The following ATP13A4 variants were observed in gnomAD, a reference collection of about 807,000 sequenced individuals.
The protein encoded by ATP13A4 is ATPase 13A4.
In ATP13A4, 114 loss-of-function variants were observed where a neutral mutation model predicts 142.5. The ratio of observed to expected loss-of-function variants is 0.80; its 90% CI spans 0.69 to 0.93. The LOEUF (loss-of-function observed/expected upper bound fraction) is 0.93, where lower values mean the gene tolerates loss of function less well. Among genes scored for constraint, ATP13A4 ranks in the 40% least tolerant of loss-of-function variants. The pLI, the probability that ATP13A4 is intolerant of heterozygous loss-of-function variation, is 0.00. For synonymous variants in ATP13A4, 488 were observed against 514.8 expected, an observed-to-expected ratio of 0.95 and a Z score of 0.70; for missense variants, 1,392 against 1,454.0, an observed-to-expected ratio of 0.96 and a Z score of 0.69.
intron 5 of ATP13A4, 23 bp from the exon 6 acceptor site, chr3:193,491,421 A>C: frequency 6.7e-7 from 1 of 1,486,848 alleles, no homozygotes; most frequent in Non-Finnish European, 9.4e-7. Flanking sequence ...ATCACAGATC[A>C]CTCTGTCACA....
rs538860277 is a variant in ATP13A4 at position 193,408,221 on chromosome 3, T to A, written c.3298-828A>T. ...TCCATAGAGGACAGTGTTCTCAAAG[T>A]TAAAAATTCAAATCCACTTCTAGGA... On this transcript the variant is annotated intron_variant, in intron 28 of 29. Coordinates refer to ENST00000342695, the MANE Select transcript of ATP13A4 (RefSeq NM_032279.4). 3.3e-5 allele frequency among the ~76,000 whole-genome samples: 5 copies of A among 152,370 alleles called. No individual in the cohort carries two copies. The South Asian group carries it at 1.0e-3, about 32-fold the overall frequency.
At chr3:193,407,453 C>A in intron 28 of ATP13A4, 60 bp from the exon 29 acceptor site, 1 of 1,270,596 alleles carries the variant, frequency 7.9e-7, no homozygotes, top group South Asian at 1.2e-5. Context: ...GAAACATGCT[C>A]ACATGTTCAC....
intron 1 of ATP13A4, among the ~76,000 whole-genome samples, chr3:193,540,681 A>G (rs944505405): frequency 6.6e-6 from 1 of 151,980 alleles, no homozygotes; most frequent in African/African-American, 2.4e-5. Flanking sequence ...ATACTATTAT[A>G]TAGCCATTAA....
chr3:193,551,811 G>A (rs1159681366), intron 1 of ATP13A4, among the ~76,000 whole-genome samples: 2 of 152,178 alleles, frequency 1.3e-5, no homozygotes, highest in African/African-American at 4.8e-5. Context: ...AACCTTCGCT[G>A]AAGGCCACTT....
intron 3 of ATP13A4, among the ~76,000 whole-genome samples, chr3:193,495,104 TA>T (rs1720151893): frequency 6.6e-6 from 1 of 152,074 alleles, no homozygotes. Context: ...GAATCAGTGA[TA>T]AAAAGTCTTG....
chr3:193,550,270 A>G (rs1723473098), intron 1 of ATP13A4, among the ~76,000 whole-genome samples: 1 of 151,922 alleles, frequency 6.6e-6, no homozygotes, highest in South Asian at 2.1e-4. Flanking sequence ...AAGTATGAAG[A>G]TAGAGCAAAA....
intron 2 of ATP13A4, among the ~76,000 whole-genome samples, chr3:193,576,520 C>G (rs1266371897): frequency 1.3e-5 from 2 of 151,930 alleles, no homozygotes; most frequent in Admixed American, 6.6e-5. Flanking sequence ...ATCCACCCGC[C>G]TCGGCCTCCC....
chr3:193,566,363 C>T (rs1277028998), intron 2 of ATP13A4, among the ~76,000 whole-genome samples: 1 of 152,134 alleles, frequency 6.6e-6, no homozygotes, highest in Non-Finnish European at 1.5e-5. Context: ...CAGATCTGAA[C>T]ATTTCATATG....
At chr3:193,559,832 G>C (rs1255905194), upstream of ATP13A4, among the ~76,000 whole-genome samples, 2 of 152,134 alleles carry the variant, frequency 1.3e-5, no homozygotes, top group Non-Finnish European at 2.9e-5. Flanking sequence ...GCTCTCTGGA[G>C]GTAAGGCAGC....
chr3:193,419,396 C>T (rs1247087754), intron 25 of ATP13A4, among the ~76,000 whole-genome samples: 1 of 150,178 alleles, frequency 6.7e-6, no homozygotes, highest in East Asian at 2.1e-4. Flanking sequence ...GTTGCTGCTG[C>T]CCCTGCCCCC....
In ATP13A4 at chr3:193,402,823, T is replaced by G. The variant is rs1318953683; in HGVS notation, c.3420A>C (p.Lys1140Asn). 6.2e-7 allele frequency: 1 copy of G among 1,614,178 alleles called. No homozygotes were observed. The highest frequency in any genetic ancestry group is 1.1e-5 in the South Asian group (1 of 91,082). The change falls in exon 30 of 30, where the codon AAA becomes AAC. Residue 1140 changes from lysine (K) to asparagine (N), a missense_variant. Coordinates refer to ENST00000342695, the MANE Select transcript of ATP13A4 (RefSeq NM_032279.4). ...IENRALWMMI[K>N]RCFGYQSKSQ... ...TTTTTGACTGATAGCCGAAACATCT[T>G]TTAATCATCATCCACAGGGCTCGAT... is the stretch of plus-strand genomic sequence containing the variant.
intron 1 of ATP13A4, among the ~76,000 whole-genome samples, chr3:193,535,577 T>C (rs912134279): frequency 6.6e-6 from 1 of 152,194 alleles, no homozygotes; most frequent in Middle Eastern, 3.4e-3. Flanking sequence ...CTGCATATAT[T>C]AGAAAAAATA....
At chr3:193,553,474 T>G (rs1207110735) in intron 1 of ATP13A4, 1 of 152,208 alleles carries the variant, frequency 6.6e-6, no homozygotes, top group Admixed American at 6.5e-5. Flanking sequence ...GTATTCAAGA[T>G]GAAGATAAAC....
At chr3:193,469,841 T>A (rs1445762075) in intron 9 of ATP13A4, among the ~76,000 whole-genome samples, 2 of 152,032 alleles carry the variant, frequency 1.3e-5, no homozygotes, top group Non-Finnish European at 2.9e-5. Context: ...AAAGTCGGAG[T>A]TGCATTACAG....
At chr3:193,523,085 C>A (rs1031374012) in intron 1 of ATP13A4, among the ~76,000 whole-genome samples, 3 of 151,856 alleles carry the variant, frequency 2.0e-5, no homozygotes, top group African/African-American at 7.3e-5. Context: ...CGCGGATCAC[C>A]CGAGGTCAGG....
At chr3:193,571,541 A>G (rs1207126131) in intron 2 of ATP13A4, among the ~76,000 whole-genome samples, 1 of 152,138 alleles carries the variant, frequency 6.6e-6, no homozygotes, top group Admixed American at 6.5e-5. Flanking sequence ...CAGTCAGGTG[A>G]TGAAGGTTAA....
intron 1 of ATP13A4, among the ~76,000 whole-genome samples, chr3:193,520,785 G>A (rs1721674244): frequency 1.3e-5 from 2 of 152,152 alleles, no homozygotes; most frequent in Admixed American, 6.5e-5. Context: ...CAATGTTTAC[G>A]TCCATTCAGT....
chr3:193,579,697 A>G (rs555689577), intron 2 of ATP13A4, among the ~76,000 whole-genome samples: 3 of 148,772 alleles, frequency 2.0e-5, no homozygotes, highest in Non-Finnish European at 4.4e-5. Context: ...ATCATGTCAG[A>G]CAATCCGTGC....
chr3:193,462,910 G>A lies in ATP13A4; in HGVS notation c.1462-87C>T, dbSNP rs991921727. On this transcript the variant is annotated intron_variant, in intron 12 of 29. Transcript: ENST00000342695. ...CTGTAATCCCAGCACTACGGGAGGC[G>A]GAGGCAAGAGGATCACTTGAACTCA... The A allele has an allele frequency of 1.2e-5, 15 of 1,292,200 alleles. No homozygotes were observed. In the Admixed American group the frequency reaches 1.8e-4, roughly 15 times the overall value. 80.0% of individuals were successfully genotyped at this position (1,292,200 alleles called of 1,614,324 possible).
Sources: gnomAD v4.1 joint callset for allele counts (sites outside exome capture counted in the v4.1 genomes callset) on GRCh38, gnomAD v4.1.1 for gene constraint, MANE v1.5 for transcripts, NCBI Gene and HGNC (gene_info 2026-07-23, HGNC 2026-07-21) for gene names.